Variants in PNOC observed in about 807,000 individuals in gnomAD.
PNOC encodes nociceptin.
A neutral mutation model predicts 15.6 loss-of-function variants in PNOC; 10 were observed. The observed-to-expected ratio is 0.64, with a 90% CI of 0.40 to 1.09. The LOEUF is 1.09. Among genes scored for constraint, PNOC ranks in the 50% least tolerant of loss-of-function variants. The pLI is 0.01. For missense variants in PNOC, 220 were observed against 223.9 expected (o/e 0.98, Z 0.11); for synonymous variants, 98 against 88.5 (o/e 1.11, Z -0.60).
At chr8:28,317,003 T>C (rs1801069931), upstream of PNOC, 1 of 152,244 alleles carries the variant, frequency 6.6e-6, no homozygotes, top group Non-Finnish European at 1.5e-5. Context: ...TCACAGAGCC[T>C]CTGGAAGCAC....
In PNOC at chr8:28,339,412, C is replaced by T. The variant is rs1801475784; in HGVS notation, c.499C>T (p.Arg167Trp). 4 of 1,549,004 alleles carry T rather than the reference C, an allele frequency of 2.6e-6. No homozygotes were observed. The highest frequency in any genetic ancestry group is 3.5e-6 in the Non-Finnish European group (4 of 1,142,136). The change falls in exon 3 of 4, where the codon CGG becomes TGG. Residue 167 changes from arginine (R) to tryptophan (W), a missense_variant. Coordinates refer to ENST00000301908, the MANE Select transcript of PNOC (RefSeq NM_006228.5). ...CCTGAGCATGCAGTCCAGCCAGCGC[C>T]GGCGCACCCTGCACCAGAATGGTAA... Reference protein sequence around the residue: ...LVLSMQSSQRRRTLHQNGNV With the variant: ...LVLSMQSSQRWRTLHQNGNV
intron 1 of PNOC, among the ~76,000 whole-genome samples, chr8:28,322,297 C>T (rs1412142015): frequency 2.0e-5 from 3 of 152,138 alleles, no homozygotes; most frequent in East Asian, 3.8e-4. Flanking sequence ...GAGGCTGAGG[C>T]GGGAGAATCA....
intron 1 of PNOC, among the ~76,000 whole-genome samples, chr8:28,328,698 T>C (rs1340330319): frequency 6.6e-6 from 1 of 152,224 alleles, no homozygotes; most frequent in Non-Finnish European, 1.5e-5. Context: ...CAGGTGCCAC[T>C]GTTCCCCTTT....
chr8:28,323,896 C>T (rs6986701), intron 1 of PNOC, among the ~76,000 whole-genome samples: 2,030 of 152,326 alleles, frequency 0.013, 44 homozygotes, highest in African/African-American at 0.047. Context: ...CATTTTAAAG[C>T]TTGCAAGCCA....
intron 3 of PNOC, among the ~76,000 whole-genome samples, chr8:28,342,134 C>G (rs1563332909): frequency 2.0e-5 from 3 of 152,066 alleles, no homozygotes; most frequent in African/African-American, 7.2e-5. Flanking sequence ...CACCTGAGGT[C>G]AGAAGTTTGA....
chr8:28,318,884 C>T lies in PNOC; in HGVS notation c.-24+1568C>T, dbSNP rs533559155. Among the ~76,000 whole-genome samples the T allele has an allele frequency of 2.6e-5, 4 of 152,322 alleles. No individual in the cohort carries two copies. The South Asian group carries it at 8.3e-4, about 32-fold the overall frequency. On this transcript the variant is annotated intron_variant, in intron 1 of 3. Coordinates refer to ENST00000301908, the MANE Select transcript of PNOC (RefSeq NM_006228.5). ...GATTTGTAAAATGCAGGCGAGTTTG[C>T]ATTGTCAGTGAAGGGAGTGATTGCA...
chr8:28,342,434 C>T (rs533553854), intron 3 of PNOC, among the ~76,000 whole-genome samples: 3 of 151,990 alleles, frequency 2.0e-5, no homozygotes, highest in African/African-American at 7.2e-5. Context: ...GGGGTGCAGG[C>T]CCACCTCTAG....
chr8:28,339,669 C>T, intron 3 of PNOC, 178 bp downstream of exon 3: 2 of 449,636 alleles, frequency 4.4e-6, no homozygotes, highest in Middle Eastern at 5.9e-4. Context: ...CCTATGATTG[C>T]ACCTTGAAGC....
intron 2 of PNOC, among the ~76,000 whole-genome samples, chr8:28,333,695 A>C (rs75962084): frequency 3.2e-4 from 48 of 152,324 alleles, no homozygotes; most frequent in African/African-American, 1.1e-3. Context: ...TCTAATTACT[A>C]TCTGGGCTTG....
rs34876964 is a variant in PNOC, at chr8:28,320,092, C to CTTTTTTTTTTTTTTTTTTT, written c.-24+2787_-24+2805dup. 2.4e-4 allele frequency among the ~76,000 whole-genome samples: 7 copies of CTTTTTTTTTTTTTTTTTTT among 29,730 alleles called. 1 individual carries two copies. Among genetic ancestry groups the CTTTTTTTTTTTTTTTTTTT allele is most frequent in the Non-Finnish European group, 3.5e-4 (6 of 16,926 alleles). The allele number at this position is 29,730 out of a possible 152,430, so 19.5% of individuals were successfully genotyped here. A position where few individuals can be genotyped will look rare whatever the true frequency, so the allele number is the denominator to read the frequency against. On this transcript the variant is annotated intron_variant, in intron 1 of 3. Coordinates refer to ENST00000301908, the MANE Select transcript of PNOC (RefSeq NM_006228.5). ...TGTTTGTTTCTTTCTTTCTTTCTTT[C>CTTTTTTTTTTTTTTTTTTT]TTTTTTTTTTTTTTTTTTTTTTTTT... is the stretch of plus-strand genomic sequence containing the variant.
At chr8:28,321,125 A>G (rs1563325747) in intron 1 of PNOC, among the ~76,000 whole-genome samples, 1 of 151,492 alleles carries the variant, frequency 6.6e-6, no homozygotes, top group African/African-American at 2.4e-5. Flanking sequence ...TGCAGACTCA[A>G]CCTCCTGGGC....
In PNOC at chr8:28,339,430, A is replaced by G; in HGVS notation, c.517A>G (p.Asn173Asp). The G allele has an allele frequency of 6.5e-7, 1 of 1,538,712 alleles. No homozygotes were observed. The highest frequency in any genetic ancestry group is 8.8e-7 in the Non-Finnish European group (1 of 1,138,134). Residue 173 changes from asparagine (N) to aspartate (D), a missense_variant, in exon 3 of 4, where the codon AAT becomes GAT. By Grantham distance (23) the Asn-to-Asp change is conservative (BLOSUM62 1). Coordinates refer to ENST00000301908, the MANE Select transcript of PNOC (RefSeq NM_006228.5). ...SSQRRRTLHQ[N>D]GNV Reference sequence around the variant, plus strand: ...CCAGCGCCGGCGCACCCTGCACCAGAATGGTAATGTGTAGCCGGAAGGGGC... The same window carrying G: ...CCAGCGCCGGCGCACCCTGCACCAGGATGGTAATGTGTAGCCGGAAGGGGC...
chr8:28,335,105 C>A (rs1801390060), intron 2 of PNOC, among the ~76,000 whole-genome samples: 1 of 152,208 alleles, frequency 6.6e-6, no homozygotes, highest in African/African-American at 2.4e-5. Flanking sequence ...GGAAACCCTG[C>A]CAGGGAAGGA....
At position 28,329,259 on chromosome 8, in the gene PNOC, A is replaced by C; in HGVS notation, c.102A>C (p.Pro34=). ...TCACATGCCAGGAGAAGCTCCACCCAGCCCTGGACAGCTTCGACCTGGAGG... is the reference window on the plus strand; with the variant it reads ...TCACATGCCAGGAGAAGCTCCACCCCGCCCTGGACAGCTTCGACCTGGAGG... ...DCLTCQEKLH[P]ALDSFDLEVC... The change falls in exon 2 of 4, where the codon CCA becomes CCC. Residue 34 remains proline (P), a synonymous_variant. Transcript: ENST00000301908. The C allele has an allele frequency of 6.2e-7, 1 of 1,613,836 alleles. No individual in the cohort carries two copies.
chr8:28,338,545 T>A, intron 2 of PNOC: 2 of 958,866 alleles, frequency 2.1e-6, no homozygotes, highest in Non-Finnish European at 2.5e-6. Context: ...AACACCTAGG[T>A]AGATCTTTAC....
intron 1 of PNOC, among the ~76,000 whole-genome samples, chr8:28,320,743 C>T (rs183289926): frequency 4.7e-5 from 7 of 150,524 alleles, no homozygotes; most frequent in Admixed American, 2.7e-4. Context: ...CCCAGCTACT[C>T]GGGAGGCTGA....
intron 3 of PNOC, among the ~76,000 whole-genome samples, chr8:28,341,599 T>C (rs1170329139): frequency 2.0e-5 from 3 of 152,230 alleles, no homozygotes; most frequent in Non-Finnish European, 4.4e-5. Context: ...TTTTAAAAAA[T>C]GATTTGAGCC....
At chr8:28,338,957 G>T in intron 2 of PNOC, 83 bp from the exon 3 acceptor site, 1 of 1,282,408 alleles carries the variant, frequency 7.8e-7, no homozygotes. Flanking sequence ...TTGCACTGGT[G>T]CAGTGGGCCA....
chr8:28,326,686 C>T (rs1001323472), intron 1 of PNOC, among the ~76,000 whole-genome samples: 1 of 152,102 alleles, frequency 6.6e-6, no homozygotes, highest in Non-Finnish European at 1.5e-5. Context: ...ATGGTGAAAC[C>T]CTGTCTCCAC....
Sources: gnomAD v4.1 joint callset for allele counts (sites outside exome capture counted in the v4.1 genomes callset) on GRCh38, gnomAD v4.1.1 for gene constraint, MANE v1.5 for transcripts, NCBI Gene and HGNC (gene_info 2026-07-23, HGNC 2026-07-21) for gene names.